NFATC1: variants seen among roughly 807,000 people sequenced by gnomAD.
The protein encoded by NFATC1 is nuclear factor of activated T-cells, cytoplasmic 1.
A neutral mutation model predicts 76.0 loss-of-function variants in NFATC1; 22 were observed. That is an observed-to-expected ratio of 0.29 (90% CI 0.21 to 0.41). The LOEUF (loss-of-function observed/expected upper bound fraction) is 0.41. Among genes scored for constraint, NFATC1 ranks in the 10% least tolerant of loss-of-function variants. The pLI is 1.00. For synonymous variants in NFATC1, 704 were observed against 613.1 expected (o/e 1.15, Z -2.19); for missense variants, 1,357 against 1,337.7 (o/e 1.01, Z -0.23).
intron 2 of NFATC1, among the ~76,000 whole-genome samples, chr18:79,416,311 C>T (rs560525827): frequency 6.6e-6 from 1 of 152,350 alleles, no homozygotes; most frequent in South Asian, 2.1e-4. Context: ...GACACGAGTC[C>T]TCTGCCAGGC....
At chr18:79,513,705 T>C (rs995813653) in intron 9 of NFATC1, among the ~76,000 whole-genome samples, 2 of 152,178 alleles carry the variant, frequency 1.3e-5, no homozygotes, top group African/African-American at 4.8e-5. Flanking sequence ...GACCCAGGGC[T>C]CCCCAGACAT....
chr18:79,417,930 GGGAGATGGGCTATACCA>G (rs536083502), intron 2 of NFATC1, among the ~76,000 whole-genome samples: 5 of 150,914 alleles, frequency 3.3e-5, no homozygotes, highest in Admixed American at 2.0e-4. Flanking sequence ...GGTGGGAGAT[GGGAGATGGGCTATACCA>G]GGAGATGGGC....
intron 3 of NFATC1, chr18:79,448,470 G>C (rs2087312346): frequency 2.4e-6 from 1 of 410,468 alleles, no homozygotes; most frequent in African/African-American, 2.0e-5. Context: ...GGCTCAGCGA[G>C]GGCTCCGCTT....
At chr18:79,464,702 A>ATTTT (rs1555911977) in intron 7 of NFATC1, among the ~76,000 whole-genome samples, 137 of 69,216 alleles carry the variant, frequency 2.0e-3, no homozygotes, top group Non-Finnish European at 3.1e-3. Flanking sequence ...ATATTTATTT[A>ATTTT]TTTATTTATT....
At chr18:79,488,077 CA>C (rs113583510) in intron 9 of NFATC1, among the ~76,000 whole-genome samples, 15,250 of 152,100 alleles carry the variant, frequency 0.1, 2,472 homozygotes, top group African/African-American at 0.34. Context: ...CCTCCTGACC[CA>C]GGGGGGGCAG....
chr18:79,463,777 G>A (rs2144890797), intron 7 of NFATC1, among the ~76,000 whole-genome samples: 1 of 152,342 alleles, frequency 6.6e-6, no homozygotes, highest in African/African-American at 2.4e-5. Context: ...CCTAGCCCTG[G>A]CTCCGTCGGG....
intron 1 of NFATC1, among the ~76,000 whole-genome samples, chr18:79,401,884 A>T (rs968098898): frequency 1.3e-5 from 2 of 152,186 alleles, no homozygotes; most frequent in Non-Finnish European, 2.9e-5. Flanking sequence ...CCTACACCCC[A>T]GTCAGAGGCC....
At chr18:79,443,217 CA>C (rs747959411) in intron 3 of NFATC1, among the ~76,000 whole-genome samples, 24 of 152,220 alleles carry the variant, frequency 1.6e-4, no homozygotes, top group Non-Finnish European at 3.1e-4. Flanking sequence ...GAAGGATTCT[CA>C]GAATTGAGCT....
intron 3 of NFATC1, among the ~76,000 whole-genome samples, chr18:79,439,361 C>T (rs753760138): frequency 2.0e-5 from 3 of 152,204 alleles, no homozygotes; most frequent in Non-Finnish European, 4.4e-5. Flanking sequence ...CCAGGAGCCA[C>T]GCAGAGGCCC....
chr18:79,469,081 C>G (rs539979043), intron 8 of NFATC1: 1 of 157,994 alleles, frequency 6.3e-6, no homozygotes, highest in Admixed American at 6.5e-5. Flanking sequence ...CGCTCTGGAC[C>G]CCCCTGGGGT....
At chr18:79,398,062 G>A (rs1424277115) in intron 1 of NFATC1, among the ~76,000 whole-genome samples, 1 of 152,134 alleles carries the variant, frequency 6.6e-6, no homozygotes, top group African/African-American at 2.4e-5. Context: ...GTCCTTCTGA[G>A]TAGGCCCCAC....
At chr18:79,434,964 C>T (rs1026286933) in intron 3 of NFATC1, among the ~76,000 whole-genome samples, 5 of 152,202 alleles carry the variant, frequency 3.3e-5, no homozygotes, top group African/African-American at 7.2e-5. Context: ...CACAGTGGCC[C>T]GTTTGACATT....
chr18:79,515,494 G>A (rs887457425), intron 9 of NFATC1, among the ~76,000 whole-genome samples: 27 of 152,026 alleles, frequency 1.8e-4, no homozygotes, highest in Non-Finnish European at 3.4e-4. Flanking sequence ...GAGGGGGCTC[G>A]GCTCACACCC....
At chr18:79,443,586 T>C (rs1005172844) in intron 3 of NFATC1, among the ~76,000 whole-genome samples, 15 of 152,218 alleles carry the variant, frequency 9.9e-5, no homozygotes, top group African/African-American at 3.4e-4. Flanking sequence ...GCAGGCTTGC[T>C]ATGTAACCTC....
intron 2 of NFATC1, among the ~76,000 whole-genome samples, chr18:79,427,498 GTCGGGGGA>G (rs2086403609): frequency 1.2e-5 from 1 of 85,054 alleles, no homozygotes; most frequent in Non-Finnish European, 2.6e-5. Context: ...TGTGCGGTGG[GTCGGGGGA>G]AGCTGGACGG....
At chr18:79,507,934 G>T (rs1052689268) in intron 9 of NFATC1, among the ~76,000 whole-genome samples, 1 of 152,260 alleles carries the variant, frequency 6.6e-6, no homozygotes, top group Non-Finnish European at 1.5e-5. Context: ...CCCCGCAGCC[G>T]CAGTCGCCGC....
At position 79,396,021 on chromosome 18, in the gene NFATC1, G is replaced by A; in HGVS notation, c.-204G>A. ...GGGCGCGGGCACCGGGGCGCGGGCAGGGCTCGGAGCCACCGCGCAGGTCCT... is the reference window on the plus strand; with the variant it reads ...GGGCGCGGGCACCGGGGCGCGGGCAAGGCTCGGAGCCACCGCGCAGGTCCT... On this transcript the variant is annotated 5_prime_UTR_variant, in exon 1 of 10. Coordinates refer to ENST00000427363, the MANE Select transcript of NFATC1 (RefSeq NM_001278669.2). 2.4e-6 allele frequency: 1 copy of A among 416,930 alleles called. No homozygotes were observed. The highest frequency in any genetic ancestry group is 1.1e-4 in the South Asian group (1 of 9,048). 25.8% of individuals were successfully genotyped at this position (416,930 alleles called of 1,614,324 possible).
intron 1 of NFATC1, among the ~76,000 whole-genome samples, chr18:79,405,192 C>G (rs1703319341): frequency 6.6e-6 from 1 of 152,202 alleles, no homozygotes; most frequent in Non-Finnish European, 1.5e-5. Context: ...GTGGCACTTT[C>G]AGCAGAGGGG....
At chr18:79,480,862 C>T (rs964245884) in intron 8 of NFATC1, among the ~76,000 whole-genome samples, 1 of 152,254 alleles carries the variant, frequency 6.6e-6, no homozygotes, top group Non-Finnish European at 1.5e-5. Flanking sequence ...GGCCATGTTT[C>T]TGGGCCCTGG....
Sources: gnomAD v4.1 joint callset for allele counts (sites outside exome capture counted in the v4.1 genomes callset) on GRCh38, gnomAD v4.1.1 for gene constraint, MANE v1.5 for transcripts, NCBI Gene and HGNC (gene_info 2026-07-23, HGNC 2026-07-21) for gene names.